Variants in CMBL observed in about 807,000 individuals in gnomAD.
The protein encoded by CMBL is carboxymethylenebutenolidase homolog.
In CMBL, 17 loss-of-function variants were observed where a neutral mutation model predicts 28.7. That is an observed-to-expected ratio of 0.59 (90% CI 0.41 to 0.89). The LOEUF (loss-of-function observed/expected upper bound fraction) is 0.89, where lower values mean the gene tolerates loss of function less well. CMBL is among the 40% of genes least tolerant of loss of function. CMBL has a pLI of 0.00. For missense variants in CMBL, 310 were observed against 298.5 expected, an observed-to-expected ratio of 1.04 and a Z score of -0.28; for synonymous variants, 106 against 101.6, an observed-to-expected ratio of 1.04 and a Z score of -0.26.
At position 10,280,422 on chromosome 5, in the gene CMBL, C is replaced by A; in HGVS notation, c.*31G>T. 1.3e-6 allele frequency: 2 copies of A among 1,505,920 alleles called. No individual in the cohort carries two copies. Among genetic ancestry groups the A allele is most frequent in the Non-Finnish European group, 1.8e-6 (2 of 1,113,000 alleles). The allele number at this position is 1,505,920 out of a possible 1,614,324, so 93.3% of individuals were successfully genotyped here. On this transcript the variant is annotated 3_prime_UTR_variant, in exon 6 of 6. Transcript: ENST00000296658. ...TTCCAAGCAAATTTTGGGATGAAAG[C>A]TATTCTAGGAAGGCTTGCCCTTGAT...
Position 10,301,957 on chromosome 5 carries a change from ATT to A in CMBL, c.-20+5666_-20+5667del, listed in dbSNP as rs567697012. 3.3e-3 allele frequency among the ~76,000 whole-genome samples: 506 copies of A among 152,214 alleles called. 2 individuals carry two copies. Among genetic ancestry groups the A allele is most frequent in the Non-Finnish European group, 5.0e-3 (337 of 68,004 alleles). On this transcript the variant is annotated intron_variant, in intron 1 of 5. Transcript: ENST00000296658. ...TTTACTTTATTTTCAGTTGACATCC[ATT>A]TTGCAAAAGGAATGCTTACAGCCAG...
chr5:10,297,922 G>A (rs908059938), intron 1 of CMBL, among the ~76,000 whole-genome samples: 1 of 152,186 alleles, frequency 6.6e-6, no homozygotes, highest in Non-Finnish European at 1.5e-5. Context: ...TCACAGAACT[G>A]AGAAGCAGAG....
chr5:10,306,059 G>C (rs1746995874), intron 1 of CMBL, among the ~76,000 whole-genome samples: 2 of 152,230 alleles, frequency 1.3e-5, no homozygotes, highest in African/African-American at 4.8e-5. Flanking sequence ...CTGTATAAAA[G>C]TCACGATTTC....
intron 1 of CMBL, among the ~76,000 whole-genome samples, chr5:10,303,833 C>T (rs1746952973): frequency 6.6e-6 from 1 of 152,202 alleles, no homozygotes; most frequent in Non-Finnish European, 1.5e-5. Context: ...ACTGATATCA[C>T]CCAGCCGCAT....
Position 10,290,571 on chromosome 5 carries a change from G to A in CMBL, c.192C>T (p.Asp64=), listed in dbSNP as rs757657783. The A allele has an allele frequency of 3.1e-6, 5 of 1,613,662 alleles. No homozygotes were observed. The highest frequency in any genetic ancestry group is 4.2e-6 in the Non-Finnish European group (5 of 1,179,674). ...WQLPNTRYIA[D]MISGNGYTTI... ...ACGTGTATCCATTTCCTGAGATCAT[G>A]TCAGCTATATATCTGGTATTGGGCA... The change falls in exon 2 of 6, where the codon GAC becomes GAT. Residue 64 remains aspartate, a synonymous_variant. Coordinates refer to ENST00000296658, the MANE Select transcript of CMBL (RefSeq NM_138809.4).
At position 10,285,008 on chromosome 5, in the gene CMBL, T is replaced by TTTTTA. The variant is rs1554013397; in HGVS notation, c.466+1341_466+1345dup. 2.7e-3 allele frequency among the ~76,000 whole-genome samples: 403 copies of TTTTTA among 151,684 alleles called. 1 individual carries two copies. Among genetic ancestry groups the TTTTTA allele is most frequent in the African/African-American group, 9.4e-3 (386 of 41,062 alleles). ...GCTTTCTTTCCTTTTTTTTTTTTAT[T>TTTTTA]TTTTATTTTAAGAGACAAGGTCTCA... On this transcript the variant is annotated intron_variant, in intron 4 of 5. Coordinates refer to ENST00000296658, the MANE Select transcript of CMBL (RefSeq NM_138809.4).
At chr5:10,285,723 G>A (rs1746589096) in intron 4 of CMBL, among the ~76,000 whole-genome samples, 1 of 131,208 alleles carries the variant, frequency 7.6e-6, no homozygotes, top group South Asian at 2.3e-4. Context: ...TTTGAGACAG[G>A]GTCTTGCTCT....
chr5:10,293,872 CT>C (rs1356499578), intron 1 of CMBL, among the ~76,000 whole-genome samples: 3 of 152,308 alleles, frequency 2.0e-5, no homozygotes, highest in African/African-American at 7.2e-5. Flanking sequence ...AAACAATATG[CT>C]TTTCAGATGG....
chr5:10,299,654 A>G (rs1746861643), intron 1 of CMBL, among the ~76,000 whole-genome samples: 1 of 151,718 alleles, frequency 6.6e-6, no homozygotes, highest in Non-Finnish European at 1.5e-5. Context: ...ATCCTGGGCA[A>G]CATGGTAAAA....
In CMBL at chr5:10,282,219, T is replaced by C. The variant is rs1363037532; in HGVS notation, c.536A>G (p.Asp179Gly). Residue 179 changes from aspartate (D) to glycine (G), a missense_variant, in exon 5 of 6, where the codon GAT becomes GGT. Coordinates refer to ENST00000296658, the MANE Select transcript of CMBL (RefSeq NM_138809.4). ...NPTLFIFAENDVVIPLKDVSL... is the reference protein window; with the variant it reads ...NPTLFIFAENGVVIPLKDVSL... ...TACGTCCTTGAGTGGAATCACAACA[T>C]CATTTTCAGCAAAAATGAACAAAGT... The C allele has an allele frequency of 6.8e-6, 11 of 1,611,566 alleles. No homozygotes were observed. Among genetic ancestry groups the C allele is most frequent in the South Asian group, 2.2e-5 (2 of 91,036 alleles).
In CMBL at chr5:10,290,791, G is replaced by A. The variant is rs1379712216; in HGVS notation, c.-19-10C>T. On this transcript the variant is annotated splice_polypyrimidine_tract_variant and intron_variant, in intron 1 of 5. Transcript: ENST00000296658. ...AGAGATTTAAGTCGGGCTATGGAGAGAGAAACATGCGTTATATTCTGAATG... is the reference window on the plus strand; with the variant it reads ...AGAGATTTAAGTCGGGCTATGGAGAAAGAAACATGCGTTATATTCTGAATG... 3 of 1,573,622 alleles carry A rather than the reference G, an allele frequency of 1.9e-6. No homozygotes were observed. The highest frequency in any genetic ancestry group is 3.3e-5 in the Admixed American group (2 of 59,874).
At chr5:10,292,072 A>G (rs1272439121) in intron 1 of CMBL, 2 of 152,244 alleles carry the variant, frequency 1.3e-5, no homozygotes, top group African/African-American at 2.4e-5. Flanking sequence ...CGAAAGTGGG[A>G]GTAGTAGAAC....
At chr5:10,285,283 C>T (rs1356416051) in intron 4 of CMBL, among the ~76,000 whole-genome samples, 1 of 152,242 alleles carries the variant, frequency 6.6e-6, no homozygotes, top group African/African-American at 2.4e-5. Flanking sequence ...ATTCTCCTGC[C>T]TCAGCCTCCT....
intron 1 of CMBL, among the ~76,000 whole-genome samples, chr5:10,303,501 T>C (rs1041916926): frequency 3.3e-5 from 5 of 152,122 alleles, no homozygotes; most frequent in African/African-American, 1.2e-4. Flanking sequence ...CAAACAACAT[T>C]GAGGATTGTA....
At chr5:10,291,623 T>A (rs1449993570) in intron 1 of CMBL, among the ~76,000 whole-genome samples, 1 of 150,298 alleles carries the variant, frequency 6.7e-6, no homozygotes, top group African/African-American at 2.5e-5. Flanking sequence ...ATCGCGCCAC[T>A]GCACTCCAGC....
chr5:10,285,506 T>TAGGCTGGTCTCGAACTCCTGGGCTCAAG, intron 4 of CMBL, among the ~76,000 whole-genome samples: 1 of 152,114 alleles, frequency 6.6e-6, no homozygotes, highest in South Asian at 2.1e-4. Context: ...CTATGTTGCT[T>TAGGCTGGTCTCGAACTCCTGGGCTCAAG]AGGCTGGTCT....
Position 10,289,726 on chromosome 5 carries a change from G to C in CMBL, c.215+822C>G, listed in dbSNP as rs1746670115. On this transcript the variant is annotated intron_variant, in intron 2 of 5. Coordinates refer to ENST00000296658, the MANE Select transcript of CMBL (RefSeq NM_138809.4). The surrounding 1 kb of genome is among the most constrained non-coding windows in gnomAD (Gnocchi z 4.3). ...TCCCCTCACATGGGGACGTGAAAAA[G>C]GAAAACTTCAAGGAAGGTCTTTTCA... Among the ~76,000 whole-genome samples the C allele has an allele frequency of 6.6e-6, 1 of 152,190 alleles. No individual in the cohort carries two copies. Among genetic ancestry groups the C allele is most frequent in the African/African-American group, 2.4e-5 (1 of 41,442 alleles).
intron 2 of CMBL, 64 bp downstream of exon 2, chr5:10,290,484 G>T: frequency 7.1e-7 from 1 of 1,410,432 alleles, no homozygotes; most frequent in South Asian, 1.2e-5. Flanking sequence ...ATTTTTTAAA[G>T]GGAACAAAAT....
chr5:10,282,983 G>A (rs1419570724), intron 4 of CMBL, among the ~76,000 whole-genome samples: 7 of 151,604 alleles, frequency 4.6e-5, no homozygotes, highest in Non-Finnish European at 7.4e-5. Context: ...TCAGCTACTC[G>A]GGAGGCTGAG....
Sources: gnomAD v4.1 joint callset for allele counts (sites outside exome capture counted in the v4.1 genomes callset) on GRCh38, gnomAD v4.1.1 for gene constraint, Gnocchi (gnomAD v3.1) non-coding constraint, MANE v1.5 for transcripts, NCBI Gene and HGNC (gene_info 2026-07-23, HGNC 2026-07-21) for gene names.